The following KCNQ1OT1 variants were observed in gnomAD, a reference collection of about 807,000 sequenced individuals.
KCNQ1OT1 encodes KCNQ1 antisense RNA 2 (non-protein coding).
At chr11:2,632,199 AAAAAG>A in exon 1 of KCNQ1OT1, 1 of 397,938 alleles carries the variant, frequency 2.5e-6, no homozygotes, top group African/African-American at 2.1e-5. Context: ...AAAAAAAAAA[AAAAAG>A]AAATGCAACT....
chr11:2,692,915 T>C (rs1189292899), exon 1 of KCNQ1OT1: 8 of 398,580 alleles, frequency 2.0e-5, no homozygotes, highest in Middle Eastern at 6.2e-4. Flanking sequence ...AACTGTAGCA[T>C]GGCCTATGTC....
Position 2,627,059 on chromosome 11 carries a change from G to A in KCNQ1OT1, n.72936C>T, listed in dbSNP as rs943415876. The A allele has an allele frequency of 1.3e-5, 5 of 398,388 alleles. No individual in the cohort carries two copies. The highest frequency in any genetic ancestry group is 1.8e-5 in the Non-Finnish European group (4 of 226,068). The allele number at this position is 398,388 out of a possible 1,614,324, so 24.7% of individuals were successfully genotyped here. ...TTGGCCTTCCAATCCATGAACATAG[G>A]AGGTGTTTTCCCTTTATGTCTACTT... On this transcript the variant is annotated non_coding_transcript_exon_variant, in exon 1 of 1. Transcript: ENST00000597346. This position sits in a 1 kb window ranked among gnomAD's most constrained non-coding sequence, Gnocchi z 4.9.
rs1849144869 is a variant in KCNQ1OT1 at position 2,620,216 on chromosome 11, T to TTTA, written n.79778_79779insTAA. On this transcript the variant is annotated non_coding_transcript_exon_variant, in exon 1 of 1. Coordinates refer to ENST00000597346, the Ensembl canonical transcript of KCNQ1OT1. This position sits in a 1 kb window ranked among gnomAD's most constrained non-coding sequence, Gnocchi z 4.5. ...TCATTCATGTATATATATATATTTT[T>TTTA]TTTTTTTATTTTTTTTTTAGACGGA... The TTTA allele has an allele frequency of 7.2e-6, 2 of 277,726 alleles. No individual in the cohort carries two copies. The highest frequency in any genetic ancestry group is 2.3e-5 in the African/African-American group (1 of 44,306). 17.2% of individuals were successfully genotyped at this position (277,726 alleles called of 1,614,324 possible). A position where few individuals can be genotyped will look rare whatever the true frequency, so the allele number is the denominator to read the frequency against.
exon 1 of KCNQ1OT1, chr11:2,665,403 G>A (rs568379692): frequency 5.0e-6 from 2 of 397,964 alleles, no homozygotes; most frequent in Non-Finnish European, 8.8e-6. Flanking sequence ...GCCAGGATGA[G>A]TTCCTGGGAT....
chr11:2,663,835 C>T lies in KCNQ1OT1; in HGVS notation n.36160G>A, dbSNP rs1296234404. 2.5e-6 allele frequency: 1 copy of T among 398,626 alleles called. No individual in the cohort carries two copies. The highest frequency in any genetic ancestry group is 4.4e-6 in the Non-Finnish European group (1 of 226,114). The allele number at this position is 398,626 out of a possible 1,614,324, so 24.7% of individuals were successfully genotyped here. On this transcript the variant is annotated non_coding_transcript_exon_variant, in exon 1 of 1. Transcript: ENST00000597346. This position sits in a 1 kb window ranked among gnomAD's most constrained non-coding sequence, Gnocchi z 5.2. ...AGGGCTGCCAGTGCTGGTATCAGCA[C>T]ATGCCAAGCTCCCTGGAGCCAGAGG...
In KCNQ1OT1 at chr11:2,686,130, G is replaced by C; in HGVS notation, n.13865C>G. The C allele has an allele frequency of 7.5e-6, 3 of 398,756 alleles. No individual in the cohort carries two copies. In the East Asian group the frequency reaches 1.1e-4, roughly 14 times the overall value. 24.7% of individuals were successfully genotyped at this position (398,756 alleles called of 1,614,324 possible). On this transcript the variant is annotated non_coding_transcript_exon_variant, in exon 1 of 1. Transcript: ENST00000597346. ...AAAGTGTAGGCCTTTGCCCTGTCTCGCCCCCTTGCTTCTGGGGTTTGCTTC... is the reference window on the plus strand; with the variant it reads ...AAAGTGTAGGCCTTTGCCCTGTCTCCCCCCCTTGCTTCTGGGGTTTGCTTC...
rs772994014 is a variant in KCNQ1OT1, at chr11:2,668,870, T to C, written n.31125A>G. On this transcript the variant is annotated non_coding_transcript_exon_variant, in exon 1 of 1. Coordinates refer to ENST00000597346, the Ensembl canonical transcript of KCNQ1OT1. This position sits in a 1 kb window ranked among gnomAD's most constrained non-coding sequence, Gnocchi z 4.3. ...TGTTTGTGTCCTATTTAAGAAACTT[T>C]GACTACTCCAAGGTCATAAAGATAT... The C allele has an allele frequency of 2.5e-6, 1 of 398,656 alleles. No individual in the cohort carries two copies. The allele number at this position is 398,656 out of a possible 1,614,324, so 24.7% of individuals were successfully genotyped here.
Position 2,669,896 on chromosome 11 carries a change from C to T in KCNQ1OT1, n.30099G>A. 1 of 398,558 alleles carries T rather than the reference C, an allele frequency of 2.5e-6. No homozygotes were observed. Among genetic ancestry groups the T allele is most frequent in the Non-Finnish European group, 4.4e-6 (1 of 226,064 alleles). The allele number at this position is 398,558 out of a possible 1,614,324, so 24.7% of individuals were successfully genotyped here. Reference sequence around the variant, plus strand: ...CAGCTGCTGTCCTTAATAAGATGTGCCTAGAGGCCTGAGAGTCCCAAGCTC... The same window carrying T: ...CAGCTGCTGTCCTTAATAAGATGTGTCTAGAGGCCTGAGAGTCCCAAGCTC... On this transcript the variant is annotated non_coding_transcript_exon_variant, in exon 1 of 1. Transcript: ENST00000597346. This position sits in a 1 kb window ranked among gnomAD's most constrained non-coding sequence, Gnocchi z 5.6.
exon 1 of KCNQ1OT1, chr11:2,644,101 T>C (rs1308083778): frequency 5.0e-6 from 2 of 398,590 alleles, no homozygotes; most frequent in Non-Finnish European, 8.8e-6. Context: ...TGTATCTATT[T>C]AGGGTTCTGA....
exon 1 of KCNQ1OT1, chr11:2,693,668 C>T: frequency 2.5e-6 from 1 of 398,698 alleles, no homozygotes; most frequent in East Asian, 3.6e-5. Flanking sequence ...GTTCCGCAGA[C>T]AGAGCAGCCA....
At chr11:2,638,269 T>G (rs943507560) in exon 1 of KCNQ1OT1, 1 of 152,254 alleles carries the variant, frequency 6.6e-6, no homozygotes, top group Non-Finnish European at 1.5e-5. Context: ...CTTCCTAGCA[T>G]CTATGGTCTT....
At chr11:2,630,092 T>A (rs947778494) in exon 1 of KCNQ1OT1, 3 of 398,276 alleles carry the variant, frequency 7.5e-6, no homozygotes, top group Admixed American at 4.4e-5. Context: ...AGTACATTCC[T>A]TCTATACCTA....
At chr11:2,648,513 C>G (rs926273234) in exon 1 of KCNQ1OT1, 12 of 398,220 alleles carry the variant, frequency 3.0e-5, no homozygotes, top group Non-Finnish European at 4.9e-5. Context: ...TTTTTAAAAT[C>G]AATTTCTTCA....
At chr11:2,610,647 T>C in exon 1 of KCNQ1OT1, 1 of 398,248 alleles carries the variant, frequency 2.5e-6, no homozygotes, top group Non-Finnish European at 4.4e-6. Context: ...TGTTTTTGTT[T>C]ATCTGGGAAT....
rs1188178429 is a variant in KCNQ1OT1, at chr11:2,670,484, G to C, written n.29511C>G. ...ACATCCTTGGTAGGTCCCTCAGAGA[G>C]CATCTAGTGGGCCTGTCCTCCCAGC... On this transcript the variant is annotated non_coding_transcript_exon_variant, in exon 1 of 1. Coordinates refer to ENST00000597346, the Ensembl canonical transcript of KCNQ1OT1. The surrounding 1 kb of genome is among the most constrained non-coding windows in gnomAD (Gnocchi z 4.9). 7 of 397,378 alleles carry C rather than the reference G, an allele frequency of 1.8e-5. No homozygotes were observed. The highest frequency in any genetic ancestry group is 3.1e-5 in the Non-Finnish European group (7 of 225,862). The allele number at this position is 397,378 out of a possible 1,614,324, so 24.6% of individuals were successfully genotyped here.
chr11:2,679,894 T>C lies in KCNQ1OT1; in HGVS notation n.20101A>G, dbSNP rs909613094. On this transcript the variant is annotated non_coding_transcript_exon_variant, in exon 1 of 1. Coordinates refer to ENST00000597346, the Ensembl canonical transcript of KCNQ1OT1. This position sits in a 1 kb window ranked among gnomAD's most constrained non-coding sequence, Gnocchi z 4.8. ...TAGAACTAGCACGCCTAATTTTTTT[T>C]TTATTTTTATTTTTTTTGAGGCAGA... 3 of 398,092 alleles carry C rather than the reference T, an allele frequency of 7.5e-6. No homozygotes were observed. The highest frequency in any genetic ancestry group is 6.2e-5 in the African/African-American group (3 of 48,578). The allele number at this position is 398,092 out of a possible 1,614,324, so 24.7% of individuals were successfully genotyped here. A position where few individuals can be genotyped will look rare whatever the true frequency, so the allele number is the denominator to read the frequency against.
chr11:2,687,680 T>C lies in KCNQ1OT1; in HGVS notation n.12315A>G, dbSNP rs573325443. The C allele has an allele frequency of 2.8e-5, 11 of 398,682 alleles. No homozygotes were observed. In the South Asian group the frequency reaches 1.4e-3, roughly 51 times the overall value. The allele number at this position is 398,682 out of a possible 1,614,324, so 24.7% of individuals were successfully genotyped here. On this transcript the variant is annotated non_coding_transcript_exon_variant, in exon 1 of 1. Transcript: ENST00000597346. The surrounding 1 kb of genome is among the most constrained non-coding windows in gnomAD (Gnocchi z 5.0). ...CCTTGCCAGCCAGGTCTCAGGGAGC[T>C]CAGGGTTCAGTGTTGGAATGGGTCT...
At position 2,664,295 on chromosome 11, in the gene KCNQ1OT1, G is replaced by A. The variant is rs1850022944; in HGVS notation, n.35700C>T. The A allele has an allele frequency of 1.3e-5, 5 of 399,192 alleles. No individual in the cohort carries two copies. Among genetic ancestry groups the A allele is most frequent in the Non-Finnish European group, 1.8e-5 (4 of 226,518 alleles). 24.7% of individuals were successfully genotyped at this position (399,192 alleles called of 1,614,324 possible). A position where few individuals can be genotyped will look rare whatever the true frequency, so the allele number is the denominator to read the frequency against. ...GTTGCTGCAAAGGGGCCACCTTGAG[G>A]CATTGTGTTCTGGTCAGGGAAGACT... On this transcript the variant is annotated non_coding_transcript_exon_variant, in exon 1 of 1. Transcript: ENST00000597346. This position sits in a 1 kb window ranked among gnomAD's most constrained non-coding sequence, Gnocchi z 5.1.
exon 1 of KCNQ1OT1, chr11:2,655,748 G>C (rs1849835765): frequency 3.1e-6 from 1 of 322,856 alleles, no homozygotes; most frequent in Admixed American, 5.8e-5. Flanking sequence ...GGTGAAAACA[G>C]GGAAGAGGTG....
Sources: allele counts gnomAD v4.1 joint callset, GRCh38; gene constraint gnomAD v4.1.1; non-coding constraint Gnocchi (gnomAD v3.1); transcripts MANE v1.5; gene names NCBI Gene and HGNC (gene_info 2026-07-23, HGNC 2026-07-21).